TEX11: variants seen among roughly 807,000 people sequenced by gnomAD.
TEX11 encodes testis expressed 11, also known as testis-expressed protein 11.
In TEX11, 7 loss-of-function variants were observed where a neutral mutation model predicts 84.4. The ratio of observed to expected loss-of-function variants is 0.08; its 90% CI spans 0.05 to 0.16. The LOEUF (loss-of-function observed/expected upper bound fraction) is 0.16. TEX11 is among the 10% of genes least tolerant of loss of function. The probability of loss-of-function intolerance (pLI) is 1.00; values close to 1 mark genes in which losing one functional copy is unlikely to be tolerated. For synonymous variants in TEX11, 264 were observed against 222.8 expected (o/e 1.18, Z -1.64); for missense variants, 551 against 660.5 (o/e 0.83, Z 1.82).
intron 13 of TEX11, among the ~76,000 whole-genome samples, chrX:70,716,330 C>A (rs1305508130): frequency 2.0e-5 from 2 of 101,873 alleles, no homozygotes; most frequent in Non-Finnish European, 4.0e-5. Context: ...CAGACAGGGA[C>A]AGTTAAGTCT....
chrX:70,529,288 C>T lies in TEX11; in HGVS notation c.2686-101G>A, dbSNP rs1289386998. On this transcript the variant is annotated intron_variant, in intron 29 of 29. Transcript: ENST00000374333. ...GGCATGAAAGTCTAACCGTTACCTT[C>T]GGAGATCTGAAGCATCTCAGATTTG... The T allele has an allele frequency of 4.9e-5, 28 of 570,560 alleles. No individual in the cohort carries two copies. The Admixed American group carries it at 7.9e-4, about 16-fold the overall frequency. The allele number at this position is 570,560 out of a possible 1,213,427, so 47.0% of individuals were successfully genotyped here.
chrX:70,865,004 C>A (rs2091591560), intron 4 of TEX11, among the ~76,000 whole-genome samples: 4 of 110,866 alleles, frequency 3.6e-5, no homozygotes, highest in African/African-American at 1.3e-4. Flanking sequence ...AGCAAAATAA[C>A]CAGCTAGCAT....
chrX:70,715,145 T>C (rs1603233537), intron 13 of TEX11, among the ~76,000 whole-genome samples: 1 of 110,424 alleles, frequency 9.1e-6, no homozygotes, highest in East Asian at 2.8e-4. Context: ...GCTTGTAGAG[T>C]TTCTGCTGAG....
chrX:70,526,239 A>C (rs1483934822), downstream of TEX11, among the ~76,000 whole-genome samples: 1 of 111,586 alleles, frequency 9.0e-6, no homozygotes, highest in Non-Finnish European at 1.9e-5. Flanking sequence ...AAAGGGGAGA[A>C]AGCTAGAATA....
chrX:70,788,029 G>A (rs1448847710), intron 9 of TEX11, among the ~76,000 whole-genome samples: 5 of 110,062 alleles, frequency 4.5e-5, no homozygotes, highest in Non-Finnish European at 9.5e-5. Flanking sequence ...AAACACAAAT[G>A]GAAAGATACC....
intron 25 of TEX11, among the ~76,000 whole-genome samples, chrX:70,555,254 T>C (rs751569716): frequency 3.7e-3 from 415 of 111,353 alleles, no homozygotes; most frequent in Non-Finnish European, 6.5e-3. Flanking sequence ...TAGAGGAGAG[T>C]TTCCAAACTG....
intron 25 of TEX11, among the ~76,000 whole-genome samples, chrX:70,574,986 G>A (rs776795507): frequency 9.0e-6 from 1 of 111,334 alleles, no homozygotes; most frequent in African/African-American, 3.3e-5. Flanking sequence ...GAGCTATGAG[G>A]CAGAGTGGCA....
chrX:70,667,760 T>C (rs1294202887), intron 16 of TEX11, among the ~76,000 whole-genome samples: 1 of 110,776 alleles, frequency 9.0e-6, no homozygotes, highest in Non-Finnish European at 1.9e-5. Context: ...ACCCTGTCTC[T>C]ACTAAAAATA....
At chrX:70,892,550 T>C (rs1157122542) in intron 2 of TEX11, among the ~76,000 whole-genome samples, 1 of 110,478 alleles carries the variant, frequency 9.1e-6, no homozygotes, top group Non-Finnish European at 1.9e-5. Context: ...TGGGCCAACA[T>C]AGTGAAACCC....
chrX:70,831,066 C>T (rs2091374448), intron 8 of TEX11, among the ~76,000 whole-genome samples: 1 of 111,414 alleles, frequency 9.0e-6, no homozygotes, highest in African/African-American at 3.3e-5. Flanking sequence ...CCTAAGGGTC[C>T]AACAAGAGAT....
Position 70,570,924 on chromosome X carries a change from T to C in TEX11, c.2141-16124A>G, listed in dbSNP as rs1182047454. On this transcript the variant is annotated intron_variant, in intron 25 of 29. Transcript: ENST00000374333. ...TTGAATTACTGATATTGGTAATTTG[T>C]GTTCTTTCTTGATCCATCTTGCAAG... is the stretch of plus-strand genomic sequence containing the variant. Among the ~76,000 whole-genome samples, 4 of 112,189 alleles carry C rather than the reference T, an allele frequency of 3.6e-5. No individual in the cohort carries two copies. In the East Asian group the frequency reaches 8.3e-4, roughly 23 times the overall value.
chrX:70,532,804 C>T (rs905643842), intron 28 of TEX11, among the ~76,000 whole-genome samples: 4 of 110,576 alleles, frequency 3.6e-5, no homozygotes, highest in Admixed American at 9.6e-5. Flanking sequence ...TTTGGGAGGC[C>T]GAGGCAGGCA....
chrX:70,607,135 T>A, intron 22 of TEX11, 106 bp from the exon 23 acceptor site: 2 of 540,930 alleles, frequency 3.7e-6, no homozygotes, highest in Non-Finnish European at 5.6e-6. Context: ...ATTAACATAC[T>A]AGTAAGGGGT....
chrX:70,832,199 C>T (rs1233189522), intron 8 of TEX11, among the ~76,000 whole-genome samples: 1 of 111,593 alleles, frequency 9.0e-6, no homozygotes, highest in Admixed American at 9.6e-5. Flanking sequence ...TTTGGCTAAA[C>T]CCACATTAAA....
chrX:70,607,592 T>C (rs1293251182), intron 22 of TEX11, among the ~76,000 whole-genome samples: 1 of 109,599 alleles, frequency 9.1e-6, no homozygotes, highest in Non-Finnish European at 1.9e-5. Flanking sequence ...AAAAAAAAAA[T>C]TCTTAATTGA....
intron 25 of TEX11, among the ~76,000 whole-genome samples, chrX:70,568,776 C>T (rs1438667768): frequency 8.9e-6 from 1 of 111,777 alleles, no homozygotes; most frequent in East Asian, 2.8e-4. Flanking sequence ...GAGAGATCAG[C>T]TGTTAGTCTG....
At chrX:70,692,087 G>A (rs1320356429) in intron 13 of TEX11, among the ~76,000 whole-genome samples, 1 of 111,387 alleles carries the variant, frequency 9.0e-6, no homozygotes, top group East Asian at 2.8e-4. Context: ...AAAAGTAGGA[G>A]TGGCTATATT....
chrX:70,775,612 C>T (rs1246753025), intron 9 of TEX11, among the ~76,000 whole-genome samples: 1 of 108,340 alleles, frequency 9.2e-6, no homozygotes, highest in Admixed American at 1.0e-4. Context: ...CCAGCCTGCC[C>T]AGCACGGTGA....
At chrX:70,820,401 A>G (rs2091312488) in intron 8 of TEX11, among the ~76,000 whole-genome samples, 1 of 112,177 alleles carries the variant, frequency 8.9e-6, no homozygotes, top group South Asian at 3.7e-4. Flanking sequence ...GTATACAAAA[A>G]TCAACTCAGA....
Sources: allele counts gnomAD v4.1 joint callset (sites outside exome capture counted in the v4.1 genomes callset), GRCh38; gene constraint gnomAD v4.1.1; transcripts MANE v1.5; gene names NCBI Gene and HGNC (gene_info 2026-07-23, HGNC 2026-07-21).